GRM7: variants seen among roughly 807,000 people sequenced by gnomAD.
GRM7 encodes metabotropic glutamate receptor 7.
A neutral mutation model predicts 84.5 loss-of-function variants in GRM7; 35 were observed. The observed-to-expected ratio is 0.41, with a 90% confidence interval of 0.32 to 0.55. The LOEUF is 0.55. Among genes scored for constraint, GRM7 ranks in the 20% least tolerant of loss-of-function variants. The pLI is 0.19. For synonymous variants in GRM7, 487 were observed against 455.1 expected (o/e 1.07, Z -0.89); for missense variants, 1,003 against 1,194.6 (o/e 0.84, Z 2.36).
chr3:7,211,971 C>G (rs1345099315), intron 2 of GRM7, among the ~76,000 whole-genome samples: 1 of 150,654 alleles, frequency 6.6e-6, no homozygotes, highest in African/African-American at 2.4e-5. Flanking sequence ...CTCCAATTAA[C>G]TGATGCAGTT....
intron 4 of GRM7, among the ~76,000 whole-genome samples, chr3:7,324,502 T>G (rs1372768063): frequency 2.0e-5 from 3 of 152,160 alleles, no homozygotes; most frequent in Non-Finnish European, 4.4e-5. Flanking sequence ...GAACAGCCTC[T>G]TATGGCCTTT....
At chr3:7,357,741 G>GT (rs964770258) in intron 4 of GRM7, among the ~76,000 whole-genome samples, 4 of 152,030 alleles carry the variant, frequency 2.6e-5, no homozygotes, top group Admixed American at 6.6e-5. Flanking sequence ...AGGCTGACAG[G>GT]TCACCATGTG....
At chr3:7,048,316 A>C (rs77655515) in intron 1 of GRM7, among the ~76,000 whole-genome samples, 2,002 of 151,844 alleles carry the variant, frequency 0.013, 40 homozygotes, top group African/African-American at 0.046. Flanking sequence ...TAGATTTTTT[A>C]TTTTTTCTTG....
At chr3:7,324,583 C>T (rs1700912799) in intron 4 of GRM7, among the ~76,000 whole-genome samples, 2 of 152,080 alleles carry the variant, frequency 1.3e-5, no homozygotes, top group South Asian at 4.1e-4. Context: ...TGACCTAGTT[C>T]GTCTCTGTGT....
At chr3:6,910,414 A>G (rs1254972151) in intron 1 of GRM7, among the ~76,000 whole-genome samples, 2 of 152,136 alleles carry the variant, frequency 1.3e-5, no homozygotes, top group Non-Finnish European at 2.9e-5. Context: ...TGTCTCTTCC[A>G]TCTTGGAATG....
intron 9 of GRM7, among the ~76,000 whole-genome samples, chr3:7,733,450 C>A (rs1002767853): frequency 2.6e-5 from 4 of 152,194 alleles, no homozygotes; most frequent in Admixed American, 2.0e-4. Flanking sequence ...CACCCCATTC[C>A]CCCAGTGCAT....
At chr3:7,136,430 GA>G (rs148404220) in intron 1 of GRM7, among the ~76,000 whole-genome samples, 1 of 149,736 alleles carries the variant, frequency 6.7e-6, no homozygotes, top group Non-Finnish European at 1.5e-5. Context: ...TAAGGCCTAA[GA>G]AAAAAAAACA....
chr3:7,729,785 A>G (rs1000357711), intron 9 of GRM7, among the ~76,000 whole-genome samples: 1 of 151,612 alleles, frequency 6.6e-6, no homozygotes, highest in Admixed American at 6.6e-5. Context: ...GGCTCACTGC[A>G]ACCTCCGCCT....
chr3:7,342,832 C>T (rs1692704537), intron 4 of GRM7, among the ~76,000 whole-genome samples: 2 of 152,120 alleles, frequency 1.3e-5, no homozygotes, highest in Admixed American at 6.6e-5. Context: ...AGCCTGCTGA[C>T]ATGCCAGCTC....
At chr3:6,963,358 G>C (rs1693376320) in intron 1 of GRM7, among the ~76,000 whole-genome samples, 1 of 152,194 alleles carries the variant, frequency 6.6e-6, no homozygotes, top group African/African-American at 2.4e-5. Flanking sequence ...TAATACTACT[G>C]TCAGCATCTG....
At chr3:7,736,956 G>A (rs3804806) in intron 9 of GRM7, among the ~76,000 whole-genome samples, 1 of 151,734 alleles carries the variant, frequency 6.6e-6, no homozygotes, top group Non-Finnish European at 1.5e-5. Flanking sequence ...ATATGGGGTG[G>A]CAACAGGAAA....
chr3:7,345,933 G>A (rs532815741), intron 4 of GRM7, among the ~76,000 whole-genome samples: 6 of 152,140 alleles, frequency 3.9e-5, no homozygotes, highest in African/African-American at 7.2e-5. Flanking sequence ...GTATAAAGAC[G>A]TTATGATTAA....
chr3:7,145,106 G>C (rs1002412125), intron 1 of GRM7, among the ~76,000 whole-genome samples: 2 of 152,128 alleles, frequency 1.3e-5, no homozygotes, highest in Non-Finnish European at 2.9e-5. Flanking sequence ...AAATAAATGG[G>C]TTAATAGTGA....
chr3:7,272,439 T>C (rs1698901379), intron 2 of GRM7, among the ~76,000 whole-genome samples: 1 of 152,160 alleles, frequency 6.6e-6, no homozygotes, highest in African/African-American at 2.4e-5. Context: ...TTTAGGTGAT[T>C]GTTTGCAGAA....
intron 8 of GRM7, among the ~76,000 whole-genome samples, chr3:7,656,553 A>G (rs1410906951): frequency 7.0e-6 from 1 of 143,270 alleles, no homozygotes. Context: ...GCGCGCACAC[A>G]CACACACACA....
intron 1 of GRM7, among the ~76,000 whole-genome samples, chr3:7,099,276 TACATGTATTATACATGTATATATGTAC>T (rs1282067700): frequency 2.8e-3 from 215 of 75,874 alleles, no homozygotes; most frequent in Non-Finnish European, 3.5e-3. Context: ...TATATATGAA[TACATGTATTATACATGTATATATGTAC>T]ACATGTATTA....
intron 8 of GRM7, among the ~76,000 whole-genome samples, chr3:7,620,068 G>A (rs184045762): frequency 3.9e-5 from 6 of 152,098 alleles, no homozygotes; most frequent in Middle Eastern, 3.4e-3. Context: ...TGGCCTCTGG[G>A]GAACGCTGAG....
chr3:7,169,990 C>A (rs1423723677), intron 2 of GRM7, among the ~76,000 whole-genome samples: 1 of 152,230 alleles, frequency 6.6e-6, no homozygotes, highest in East Asian at 1.9e-4. Flanking sequence ...GAAATACAGA[C>A]CCCTGGGCCT....
chr3:7,474,744 A>AC (rs1466303184), intron 7 of GRM7, among the ~76,000 whole-genome samples: 1 of 152,120 alleles, frequency 6.6e-6, no homozygotes, highest in East Asian at 1.9e-4. Context: ...GAATGTCATG[A>AC]TGTCACGTTT....
Sources: allele counts gnomAD v4.1 joint callset (sites outside exome capture counted in the v4.1 genomes callset), GRCh38; gene constraint gnomAD v4.1.1; transcripts MANE v1.5; gene names NCBI Gene and HGNC (gene_info 2026-07-23, HGNC 2026-07-21).